Variants in CNPY1 observed in about 807,000 individuals in gnomAD.
CNPY1 encodes canopy FGF signaling regulator 1, also known as protein canopy homolog 1.
A neutral mutation model predicts 14.4 loss-of-function variants in CNPY1; 14 were observed. The ratio of observed to expected loss-of-function variants is 0.97; its 90% CI spans 0.64 to 1.52. CNPY1 has a LOEUF of 1.52. Among genes scored for constraint, CNPY1 ranks in the 40% most tolerant of loss-of-function variants. The pLI is 0.00. For synonymous variants in CNPY1, 43 were observed against 46.5 expected, an observed-to-expected ratio of 0.92 and a Z score of 0.31; for missense variants, 129 against 131.5, an observed-to-expected ratio of 0.98 and a Z score of 0.09.
At chr7:155,533,815 C>T (rs542872805) in intron 2 of CNPY1, 1 of 152,398 alleles carries the variant, frequency 6.6e-6, no homozygotes, top group South Asian at 2.1e-4. Flanking sequence ...GACAAACTCT[C>T]AGCGGCTTTG....
chr7:155,522,106 C>T (rs75614717), intron 2 of CNPY1, among the ~76,000 whole-genome samples: 4 of 152,274 alleles, frequency 2.6e-5, no homozygotes, highest in African/African-American at 9.6e-5. Flanking sequence ...TGCGGCACCA[C>T]GTGGAGAGTC....
rs1796136119 is a variant in CNPY1, at chr7:155,502,148, G to C, written c.*920C>G. ...TGAATGCAAATGTAACAGAGATAAA[G>C]AAATTTCCGGGAGTGATTGTTACTA... is the stretch of plus-strand genomic sequence containing the variant. On this transcript the variant is annotated 3_prime_UTR_variant, in exon 5 of 5. Transcript: ENST00000636446. 6.6e-6 allele frequency: 1 copy of C among 152,102 alleles called. No homozygotes were observed. The highest frequency in any genetic ancestry group is 6.5e-5 in the Admixed American group (1 of 15,278). The allele number at this position is 152,102 out of a possible 1,614,324, so 9.4% of individuals were successfully genotyped here.
chr7:155,517,572 G>A (rs965625860), intron 2 of CNPY1, among the ~76,000 whole-genome samples: 7 of 152,130 alleles, frequency 4.6e-5, no homozygotes, highest in East Asian at 1.9e-4. Context: ...ATGCAGAGGC[G>A]GCCAGCAGGT....
chr7:155,521,167 A>G (rs889654803), intron 2 of CNPY1, among the ~76,000 whole-genome samples: 4 of 152,212 alleles, frequency 2.6e-5, no homozygotes, highest in Non-Finnish European at 5.9e-5. Flanking sequence ...GTATTCTTCC[A>G]GGCCCAAGAA....
intron 2 of CNPY1, among the ~76,000 whole-genome samples, chr7:155,542,928 C>T (rs1486573206): frequency 1.3e-5 from 2 of 152,178 alleles, no homozygotes; most frequent in African/African-American, 2.4e-5. Flanking sequence ...GAGAATAGCC[C>T]GGTATGGACA....
At position 155,536,632 on chromosome 7, in the gene CNPY1, C is replaced by T. The variant is rs983074218; in HGVS notation, c.99+9199G>A. The stretch of plus-strand genomic sequence containing the variant: ...CTGTAAACATTTCCCACAGAATCCT[C>T]CATGCTCTCTCTCCCCATCCACCTG... On this transcript the variant is annotated intron_variant, in intron 2 of 4. Coordinates refer to ENST00000636446, the MANE Select transcript of CNPY1 (RefSeq NM_001393663.1). This position sits in a 1 kb window ranked among gnomAD's most constrained non-coding sequence, Gnocchi z 4.1. Among the ~76,000 whole-genome samples, 8 of 152,174 alleles carry T rather than the reference C, an allele frequency of 5.3e-5. No individual in the cohort carries two copies. Among genetic ancestry groups the T allele is most frequent in the Non-Finnish European group, 1.2e-4 (8 of 68,030 alleles).
intron 2 of CNPY1, among the ~76,000 whole-genome samples, chr7:155,528,089 A>G (rs2111846): frequency 0.48 from 73,354 of 152,092 alleles, 17,710 homozygotes; most frequent in Middle Eastern, 0.52. Context: ...TCTAGAACAC[A>G]TACGCCCAGT....
At chr7:155,542,945 G>A (rs1330814803) in intron 2 of CNPY1, among the ~76,000 whole-genome samples, 1 of 149,842 alleles carries the variant, frequency 6.7e-6, no homozygotes, top group Non-Finnish European at 1.5e-5. Flanking sequence ...GACACAGGCC[G>A]CTTTGCACAC....
At chr7:155,517,664 T>G (rs1796647062) in intron 2 of CNPY1, among the ~76,000 whole-genome samples, 1 of 152,130 alleles carries the variant, frequency 6.6e-6, no homozygotes. Context: ...TCTGAATTTC[T>G]CCTGCAACAC....
chr7:155,545,144 A>G (rs1797143447), intron 2 of CNPY1, among the ~76,000 whole-genome samples: 1 of 152,250 alleles, frequency 6.6e-6, no homozygotes, highest in African/African-American at 2.4e-5. Context: ...ACTTCTGTTT[A>G]GCTTTGAGTG....
At chr7:155,531,966 C>T (rs1796944838) in intron 2 of CNPY1, among the ~76,000 whole-genome samples, 1 of 152,230 alleles carries the variant, frequency 6.6e-6, no homozygotes, top group African/African-American at 2.4e-5. Context: ...TGTCACTCCC[C>T]CTGCGTGGAT....
chr7:155,502,008 G>GA lies in CNPY1; in HGVS notation c.*1059_*1060insT, dbSNP rs932623760. 2 of 149,198 alleles carry GA rather than the reference G, an allele frequency of 1.3e-5. No individual in the cohort carries two copies. The highest frequency in any genetic ancestry group is 3.0e-5 in the Non-Finnish European group (2 of 67,132). The allele number at this position is 149,198 out of a possible 1,614,324, so 9.2% of individuals were successfully genotyped here. ...GAGTTTTGGGTCGGGGGGGTTGGGG[G>GA]GGGGATTTGTAGCATCCTACCCACT... On this transcript the variant is annotated 3_prime_UTR_variant, in exon 5 of 5. Coordinates refer to ENST00000636446, the MANE Select transcript of CNPY1 (RefSeq NM_001393663.1).
At chr7:155,512,703 T>G (rs902566293) in intron 2 of CNPY1, among the ~76,000 whole-genome samples, 4 of 152,216 alleles carry the variant, frequency 2.6e-5, no homozygotes, top group African/African-American at 9.7e-5. Flanking sequence ...AGGAATACAA[T>G]TATGTTACAG....
At chr7:155,526,544 C>T (rs995530432) in intron 2 of CNPY1, among the ~76,000 whole-genome samples, 14 of 152,212 alleles carry the variant, frequency 9.2e-5, no homozygotes, top group Admixed American at 7.2e-4. Flanking sequence ...AAAAGACAAA[C>T]CACCCAGTAG....
At chr7:155,507,306 A>G (rs1796351762) in intron 3 of CNPY1, among the ~76,000 whole-genome samples, 190 bp from the exon 4 acceptor site, 1 of 151,986 alleles carries the variant, frequency 6.6e-6, no homozygotes, top group South Asian at 2.1e-4. Context: ...TGTTAATTGC[A>G]TCATTTTCCT....
At chr7:155,519,879 C>T (rs1796685883) in intron 2 of CNPY1, among the ~76,000 whole-genome samples, 2 of 152,212 alleles carry the variant, frequency 1.3e-5, no homozygotes, top group Admixed American at 1.3e-4. Flanking sequence ...ACACAGCCTC[C>T]ATATCCACAG....
At chr7:155,544,386 C>A (rs922505982) in intron 2 of CNPY1, among the ~76,000 whole-genome samples, 1 of 152,240 alleles carries the variant, frequency 6.6e-6, no homozygotes, top group South Asian at 2.1e-4. Context: ...GCGGTCATTT[C>A]CTTGGCTCCC....
At chr7:155,508,265 T>C (rs1303505851) in intron 3 of CNPY1, among the ~76,000 whole-genome samples, 2 of 152,224 alleles carry the variant, frequency 1.3e-5, no homozygotes, top group African/African-American at 4.8e-5. Context: ...AAATCAACAT[T>C]ACACTGGAAG....
chr7:155,505,525 A>G (rs1796275000), intron 4 of CNPY1, among the ~76,000 whole-genome samples: 1 of 152,218 alleles, frequency 6.6e-6, no homozygotes, highest in African/African-American at 2.4e-5. Flanking sequence ...AAATTGACAA[A>G]CTTGGGAGCA....
Sources: allele counts gnomAD v4.1 joint callset (sites outside exome capture counted in the v4.1 genomes callset), GRCh38; gene constraint gnomAD v4.1.1; non-coding constraint Gnocchi (gnomAD v3.1); transcripts MANE v1.5; gene names NCBI Gene and HGNC (gene_info 2026-07-23, HGNC 2026-07-21).